CEP15: variants seen among roughly 807,000 people sequenced by gnomAD.
The protein encoded by CEP15 is centrosomal protein 15 kDa.
chr3:62,321,251 C>A, the CEP15 span, among the ~76,000 whole-genome samples: 1 of 152,208 alleles, frequency 6.6e-6, no homozygotes, highest in African/African-American at 2.4e-5. This position sits in a 1 kb window ranked among gnomAD's most constrained non-coding sequence, Gnocchi z 4.1. Context: ...AGCATTTGAC[C>A]AGCAAGAAAC....
chr3:62,322,045 C>A, the CEP15 span: 4 of 1,603,448 alleles, frequency 2.5e-6, no homozygotes, highest in Non-Finnish European at 3.4e-6. The surrounding 1 kb of genome is among the most constrained non-coding windows in gnomAD (Gnocchi z 5.5). Flanking sequence ...GAACCTTAGT[C>A]TTTTAAAGGT....
the CEP15 span, chr3:62,322,215 C>T: frequency 3.1e-6 from 2 of 636,242 alleles, no homozygotes; most frequent in East Asian, 3.2e-5. The surrounding 1 kb of genome is among the most constrained non-coding windows in gnomAD (Gnocchi z 5.5). Flanking sequence ...AGATAAGTAG[C>T]ATATGTATCC....
At chr3:62,333,130 ATGTGTGTGTG>A in the CEP15 span, 3 of 751,582 alleles carry the variant, frequency 4.0e-6, no homozygotes, top group Non-Finnish European at 6.2e-6. This position sits in a 1 kb window ranked among gnomAD's most constrained non-coding sequence, Gnocchi z 4.0. Flanking sequence ...TTCTACATAT[ATGTGTGTGTG>A]TGTGTGTGTG....
the CEP15 span, chr3:62,334,434 A>G: frequency 6.6e-6 from 1 of 152,092 alleles, no homozygotes; most frequent in African/African-American, 2.4e-5. This position sits in a 1 kb window ranked among gnomAD's most constrained non-coding sequence, Gnocchi z 4.9. Flanking sequence ...CGTTGTGCCG[A>G]TAAGTTCCTT....
At chr3:62,333,298 AAC>A in the CEP15 span, 7 of 1,611,606 alleles carry the variant, frequency 4.3e-6, no homozygotes, top group Non-Finnish European at 5.9e-6. The surrounding 1 kb of genome is among the most constrained non-coding windows in gnomAD (Gnocchi z 4.0). Flanking sequence ...CCCAAATGGG[AAC>A]AGTTTCTTTT....
chr3:62,329,686 A>G, the CEP15 span, among the ~76,000 whole-genome samples: 1 of 152,124 alleles, frequency 6.6e-6, no homozygotes, highest in African/African-American at 2.4e-5. Context: ...CTGCTTTTCC[A>G]TTTACAAATC....
At chr3:62,328,529 T>C in the CEP15 span, among the ~76,000 whole-genome samples, 3 of 152,226 alleles carry the variant, frequency 2.0e-5, no homozygotes, top group African/African-American at 7.2e-5. Context: ...AATTGCTTTT[T>C]TATTTGTCCT....
the CEP15 span, chr3:62,335,882 A>C: frequency 6.6e-6 from 1 of 152,174 alleles, no homozygotes; most frequent in Admixed American, 6.5e-5. Context: ...TAAACTGTAG[A>C]ATGCTAAAGA....
the CEP15 span, chr3:62,319,272 T>G: frequency 2.6e-5 from 4 of 152,136 alleles, no homozygotes; most frequent in Non-Finnish European, 5.9e-5. Context: ...GTGATTTGGT[T>G]TTGTCTAAAG....
the CEP15 span, chr3:62,319,071 C>G: frequency 6.6e-6 from 1 of 152,422 alleles, no homozygotes; most frequent in East Asian, 1.9e-4. Context: ...TGGAGTCGGA[C>G]AGTGGGTGGG....
chr3:62,321,938 A>G, the CEP15 span: 8 of 1,592,252 alleles, frequency 5.0e-6, no homozygotes, highest in East Asian at 1.8e-4. The surrounding 1 kb of genome is among the most constrained non-coding windows in gnomAD (Gnocchi z 4.1). Context: ...AGAGTATCAC[A>G]AAGATTAATG....
At chr3:62,322,077 A>G in the CEP15 span, 4 of 1,595,918 alleles carry the variant, frequency 2.5e-6, no homozygotes, top group Middle Eastern at 1.9e-4. The surrounding 1 kb of genome is among the most constrained non-coding windows in gnomAD (Gnocchi z 5.5). Flanking sequence ...ACTTGAATAT[A>G]GAGATTTATC....
At chr3:62,326,667 T>C in the CEP15 span, among the ~76,000 whole-genome samples, 1 of 152,180 alleles carries the variant, frequency 6.6e-6, no homozygotes, top group Admixed American at 6.5e-5. Context: ...TTCAAGCCTA[T>C]ATAGAAGAGG....
At chr3:62,333,384 C>T in the CEP15 span, 46 of 1,609,354 alleles carry the variant, frequency 2.9e-5, 2 homozygotes, top group Middle Eastern at 1.7e-3. This position sits in a 1 kb window ranked among gnomAD's most constrained non-coding sequence, Gnocchi z 4.0. Context: ...TGAGGCACAG[C>T]GATAACTTCT....
the CEP15 span, chr3:62,331,455 T>G: frequency 7.3e-7 from 1 of 1,361,762 alleles, no homozygotes; most frequent in Non-Finnish European, 1.0e-6. Flanking sequence ...CTATCAGTAG[T>G]GCACTACAAG....
the CEP15 span, among the ~76,000 whole-genome samples, chr3:62,328,607 G>A: frequency 6.6e-6 from 1 of 152,186 alleles, no homozygotes; most frequent in Non-Finnish European, 1.5e-5. Flanking sequence ...GTATAGTCAA[G>A]TAAGCATTGC....
At chr3:62,320,649 G>A in the CEP15 span, 1 of 637,592 alleles carries the variant, frequency 1.6e-6, no homozygotes, top group Non-Finnish European at 2.7e-6. Context: ...ACACTTAAGA[G>A]GTTTTAGTGT....
chr3:62,319,745 C>A, the CEP15 span: 1 of 152,120 alleles, frequency 6.6e-6, no homozygotes, highest in Admixed American at 6.6e-5. Context: ...CCTTTTAAGC[C>A]CAACCAGATG....
chr3:62,326,500 G>A, the CEP15 span, among the ~76,000 whole-genome samples: 3 of 152,202 alleles, frequency 2.0e-5, no homozygotes, highest in African/African-American at 7.2e-5. Context: ...GGGATGGGAA[G>A]AGAAAGAGAT....
Sources: allele counts gnomAD v4.1 joint callset (sites outside exome capture counted in the v4.1 genomes callset), GRCh38; gene constraint gnomAD v4.1.1; non-coding constraint Gnocchi (gnomAD v3.1); transcripts MANE v1.5; gene names NCBI Gene and HGNC (gene_info 2026-07-23, HGNC 2026-07-21).